The following MACROD2 variants were observed in gnomAD, a reference collection of about 807,000 sequenced individuals.
MACROD2 encodes mono-ADP ribosylhydrolase 2.
Under a neutral mutation model 70.4 loss-of-function variants are expected in MACROD2, and 36 were observed. The ratio of observed to expected loss-of-function variants is 0.51; its 90% CI spans 0.39 to 0.68. The LOEUF is 0.68. Among genes scored for constraint, MACROD2 ranks in the 30% least tolerant of loss-of-function variants. MACROD2 has a pLI of 0.00. For missense variants in MACROD2, 496 were observed against 538.4 expected, an observed-to-expected ratio of 0.92 and a Z score of 0.78; for synonymous variants, 172 against 178.8, an observed-to-expected ratio of 0.96 and a Z score of 0.30.
intron 5 of MACROD2, among the ~76,000 whole-genome samples, chr20:15,155,077 A>G (rs189711205): frequency 1.1e-3 from 173 of 151,660 alleles, no homozygotes; most frequent in Non-Finnish European, 1.6e-3. Context: ...AACAGATAAT[A>G]AGGATATAGA....
At chr20:14,655,357 G>GTGTGTGTT (rs1491022637) in intron 4 of MACROD2, among the ~76,000 whole-genome samples, 2 of 147,034 alleles carry the variant, frequency 1.4e-5, no homozygotes, top group Non-Finnish European at 3.0e-5. Flanking sequence ...GTGTGTGTGT[G>GTGTGTGTT]TTTTGAGGGT....
intron 8 of MACROD2, among the ~76,000 whole-genome samples, chr20:15,563,503 T>C (rs2048271913): frequency 6.6e-6 from 1 of 152,190 alleles, no homozygotes; most frequent in Non-Finnish European, 1.5e-5. Flanking sequence ...ACATTGAGCA[T>C]AATAAGAAAG....
intron 15 of MACROD2, among the ~76,000 whole-genome samples, chr20:16,003,077 C>CA (rs1491099923): frequency 3.5e-3 from 73 of 20,802 alleles, no homozygotes; most frequent in Admixed American, 8.1e-3. Context: ...AACCCACCCA[C>CA]CCACCCACAC....
At chr20:15,979,352 C>T (rs1426773482) in intron 13 of MACROD2, among the ~76,000 whole-genome samples, 1 of 152,068 alleles carries the variant, frequency 6.6e-6, no homozygotes, top group Non-Finnish European at 1.5e-5. Flanking sequence ...TGCTTGGTTG[C>T]AGTACACATG....
chr20:15,805,479 C>CTT (rs11336153), intron 8 of MACROD2, among the ~76,000 whole-genome samples: 3 of 142,266 alleles, frequency 2.1e-5, no homozygotes, highest in Non-Finnish European at 4.7e-5. Context: ...AGGAATATTT[C>CTT]TTTTTTTTTT....
intron 5 of MACROD2, among the ~76,000 whole-genome samples, chr20:15,168,441 ATGTGTGTGTGTGTGTG>A (rs56188346): frequency 3.6e-4 from 49 of 134,722 alleles, no homozygotes; most frequent in Middle Eastern, 3.8e-3. Context: ...ACATTGTGGG[ATGTGTGTGTGTGTGTG>A]TGTGTGTGTG....
intron 3 of MACROD2, among the ~76,000 whole-genome samples, chr20:14,298,727 ATC>A (rs2082449471): frequency 6.6e-6 from 1 of 152,008 alleles, no homozygotes; most frequent in African/African-American, 2.4e-5. Flanking sequence ...AGGTCTGAGT[ATC>A]AACATGAACA....
At chr20:14,099,653 T>G (rs2054272700) in intron 3 of MACROD2, among the ~76,000 whole-genome samples, 1 of 152,144 alleles carries the variant, frequency 6.6e-6, no homozygotes, top group African/African-American at 2.4e-5. Flanking sequence ...CATTTGTGTG[T>G]GGTATTTTTG....
chr20:14,135,004 T>C (rs2054775820), intron 3 of MACROD2, among the ~76,000 whole-genome samples: 1 of 152,114 alleles, frequency 6.6e-6, no homozygotes, highest in Non-Finnish European at 1.5e-5. Flanking sequence ...TAAAAGCAAC[T>C]ATGTTTAATT....
intron 5 of MACROD2, among the ~76,000 whole-genome samples, chr20:14,955,826 G>A (rs1021832530): frequency 4.6e-5 from 7 of 152,106 alleles, no homozygotes; most frequent in South Asian, 4.1e-4. Context: ...AGGGGGAAGC[G>A]AAGGAGTTCA....
chr20:14,640,064 A>G (rs1294195942), intron 4 of MACROD2, among the ~76,000 whole-genome samples: 1 of 152,170 alleles, frequency 6.6e-6, no homozygotes, highest in Non-Finnish European at 1.5e-5. Flanking sequence ...CCTTTCCAGA[A>G]TATTTTACAG....
chr20:15,025,302 C>T (rs2075221498), intron 5 of MACROD2, among the ~76,000 whole-genome samples: 1 of 151,884 alleles, frequency 6.6e-6, no homozygotes, highest in African/African-American at 2.4e-5. Flanking sequence ...TACAAGCTTC[C>T]GATATTATCA....
intron 5 of MACROD2, among the ~76,000 whole-genome samples, chr20:14,824,504 A>T (rs1481799477): frequency 6.6e-6 from 1 of 152,054 alleles, no homozygotes; most frequent in East Asian, 1.9e-4. Flanking sequence ...GGGCTGAAGG[A>T]TCCACTTCCA....
At chr20:15,819,472 AAT>A (rs1193753517) in intron 8 of MACROD2, among the ~76,000 whole-genome samples, 1 of 145,524 alleles carries the variant, frequency 6.9e-6, no homozygotes, top group Non-Finnish European at 1.5e-5. Flanking sequence ...TAAGTATATA[AAT>A]ATATAGTTAT....
At chr20:14,678,613 T>A (rs1440453888) in intron 4 of MACROD2, among the ~76,000 whole-genome samples, 1 of 152,158 alleles carries the variant, frequency 6.6e-6, no homozygotes, top group African/African-American at 2.4e-5. Context: ...TTAGATGATC[T>A]CTGTCAGCCC....
In MACROD2 at chr20:16,027,984, T is replaced by A. The variant is rs80095831; in HGVS notation, c.1154-13217T>A. Among the ~76,000 whole-genome samples, 489 of 152,256 alleles carry A rather than the reference T, an allele frequency of 3.2e-3. 2 individuals are homozygous for A. The East Asian group carries it at 0.036, about 11-fold the overall frequency. ...GGCTGAATGAGAATTAGATGCTTAA[T>A]TGAGGCCTGGAAAAGGGAAAGAAAA... is the stretch of plus-strand genomic sequence containing the variant. On this transcript the variant is annotated intron_variant, in intron 15 of 17. Transcript: ENST00000684519.
rs145314544 is a variant in MACROD2, at chr20:15,778,007, A to G, written c.646-84738A>G. Among the ~76,000 whole-genome samples, 75 of 152,182 alleles carry G rather than the reference A, an allele frequency of 4.9e-4. 1 individual carries two copies. The highest frequency in any genetic ancestry group is 1.0e-3 in the Non-Finnish European group (69 of 67,994). On this transcript the variant is annotated intron_variant, in intron 8 of 17. Transcript: ENST00000684519. ...TCCTAGTCAGTGTTCTTTGTACTGT[A>G]TTTGGCCAATATGTATTGATTGTTT...
At chr20:14,459,416 A>T (rs922372057) in intron 3 of MACROD2, among the ~76,000 whole-genome samples, 1 of 152,002 alleles carries the variant, frequency 6.6e-6, no homozygotes, top group Non-Finnish European at 1.5e-5. Context: ...ACATTTTTGT[A>T]TTTAAAAATC....
At chr20:15,626,606 G>A (rs2049206327) in intron 8 of MACROD2, among the ~76,000 whole-genome samples, 1 of 152,194 alleles carries the variant, frequency 6.6e-6, no homozygotes, top group South Asian at 2.1e-4. Flanking sequence ...TGTAATGCCA[G>A]CACTTTGGGA....
Sources: allele counts gnomAD v4.1 joint callset (sites outside exome capture counted in the v4.1 genomes callset), GRCh38; gene constraint gnomAD v4.1.1; transcripts MANE v1.5; gene names NCBI Gene and HGNC (gene_info 2026-07-23, HGNC 2026-07-21).